Variants in ADAP1 observed in about 807,000 individuals in gnomAD.
ADAP1 encodes arf-GAP with dual PH domain-containing protein 1.
ADAP1 carries 31 observed loss-of-function variants against 54.9 expected under a neutral mutation model. The ratio of observed to expected loss-of-function variants is 0.56; its 90% CI spans 0.42 to 0.76. The LOEUF (loss-of-function observed/expected upper bound fraction) is 0.76. Ranked by LOEUF, ADAP1 falls within the 30% of genes least tolerant of loss-of-function variation. ADAP1 has a pLI of 0.00. For missense variants in ADAP1, 535 were observed against 512.4 expected, an observed-to-expected ratio of 1.04 and a Z score of -0.42; for synonymous variants, 313 against 202.6, an observed-to-expected ratio of 1.55 and a Z score of -4.63.
Position 954,484 on chromosome 7 carries a change from G to T in ADAP1, c.-7C>A. The T allele has an allele frequency of 3.9e-6, 4 of 1,024,944 alleles. No homozygotes were observed. The highest frequency in any genetic ancestry group is 4.7e-6 in the Non-Finnish European group (4 of 857,548). The allele number at this position is 1,024,944 out of a possible 1,614,324, so 63.5% of individuals were successfully genotyped here. A position where few individuals can be genotyped will look rare whatever the true frequency, so the allele number is the denominator to read the frequency against. The stretch of plus-strand genomic sequence containing the variant: ...TGCGCCGCTCCTTGGCCATGGCCGC[G>T]ATGCGCCCGCGATGCCGATGCCGGG... On this transcript the variant is annotated 5_prime_UTR_variant, in exon 1 of 11. Coordinates refer to ENST00000265846, the MANE Select transcript of ADAP1 (RefSeq NM_006869.4).
At chr7:923,245 C>A (rs1226920299) in intron 3 of ADAP1, 1 of 152,034 alleles carries the variant, frequency 6.6e-6, no homozygotes, top group African/African-American at 2.4e-5. Context: ...CCCTGTCCAG[C>A]CCGGACACCT....
At chr7:951,053 C>T (rs1230680553) in intron 1 of ADAP1, among the ~76,000 whole-genome samples, 2 of 151,132 alleles carry the variant, frequency 1.3e-5, no homozygotes, top group African/African-American at 4.9e-5. Context: ...ACTGTGCACT[C>T]GAAACGATGA....
At chr7:951,372 CAAA>C (rs1221252727) in intron 1 of ADAP1, among the ~76,000 whole-genome samples, 2 of 126,514 alleles carry the variant, frequency 1.6e-5, no homozygotes. Context: ...GACTCCGTCT[CAAA>C]AAAAAAAAAA....
chr7:907,528 G>T (rs75874612), intron 4 of ADAP1, among the ~76,000 whole-genome samples: 2 of 152,108 alleles, frequency 1.3e-5, no homozygotes, highest in East Asian at 3.9e-4. Context: ...ACTGAGCTGC[G>T]GTCAGTGACC....
chr7:900,621 G>GGACAAAGGCA lies in ADAP1; in HGVS notation c.649-6_649-5insTGCCTTTGTC, dbSNP rs1562905836. ...ATTGAACCAGTCCACAATCTCCTAG[G>GGACAAAGGCA]GGCAAAGGTGGGCACAGGCTTGGGC... On this transcript the variant is annotated splice_polypyrimidine_tract_variant and splice_region_variant and intron_variant, in intron 6 of 10. Transcript: ENST00000265846. 2 of 1,587,254 alleles carry GGACAAAGGCA rather than the reference G, an allele frequency of 1.3e-6. No homozygotes were observed. Among genetic ancestry groups the GGACAAAGGCA allele is most frequent in the Admixed American group, 1.7e-5 (1 of 57,630 alleles).
At chr7:900,250 C>T in intron 7 of ADAP1, 86 bp from the exon 8 acceptor site, 2 of 1,511,028 alleles carry the variant, frequency 1.3e-6, no homozygotes, top group Non-Finnish European at 1.8e-6. Context: ...GTGCTCCCCT[C>T]ACCCCGGGCC....
At chr7:934,660 C>T (rs1175209168) in intron 2 of ADAP1, among the ~76,000 whole-genome samples, 1 of 152,194 alleles carries the variant, frequency 6.6e-6, no homozygotes, top group Non-Finnish European at 1.5e-5. Flanking sequence ...GTTCCTTCTC[C>T]ACCTCCCTCG....
intron 5 of ADAP1, 133 bp from the exon 6 acceptor site, chr7:904,405 T>G: frequency 8.3e-7 from 1 of 1,199,096 alleles, no homozygotes; most frequent in Non-Finnish European, 1.1e-6. Flanking sequence ...ACTTAAGCGC[T>G]CTGAGCCTTG....
At chr7:922,889 T>C (rs1448185941) in intron 3 of ADAP1, 5 of 113,536 alleles carry the variant, frequency 4.4e-5, no homozygotes, top group African/African-American at 1.7e-4. Flanking sequence ...ATCCTGGGTG[T>C]TTCCGAGGCT....
Position 904,284 on chromosome 7 carries a change from T to TGG in ADAP1, c.502-14_502-13dup. 1 of 1,578,420 alleles carries TGG rather than the reference T, an allele frequency of 6.3e-7. No homozygotes were observed. Among genetic ancestry groups the TGG allele is most frequent in the Non-Finnish European group, 8.6e-7 (1 of 1,161,566 alleles). On this transcript the variant is annotated splice_polypyrimidine_tract_variant and intron_variant, in intron 5 of 10. Coordinates refer to ENST00000265846, the MANE Select transcript of ADAP1 (RefSeq NM_006869.4). ...TTGGGCTCCTTGGCCTGAGAAGGGG[T>TGG]GGGGTCTAAGCACCTCACAGGGGCC...
chr7:915,227 A>ACCCCTG (rs879895930), intron 4 of ADAP1, among the ~76,000 whole-genome samples: 1 of 36,620 alleles, frequency 2.7e-5, no homozygotes, highest in South Asian at 7.0e-4. Context: ...CCCTGCACTC[A>ACCCCTG]CACCTGCACA....
intron 4 of ADAP1, 119 bp from the exon 5 acceptor site, chr7:905,291 A>G (rs1239270269): frequency 2.6e-5 from 8 of 311,328 alleles, no homozygotes; most frequent in South Asian, 2.6e-5. Context: ...CGGACGGGGG[A>G]CACGGACAGG....
intron 1 of ADAP1, among the ~76,000 whole-genome samples, chr7:948,433 G>A (rs1423963081): frequency 1.3e-5 from 2 of 152,110 alleles, no homozygotes; most frequent in Non-Finnish European, 2.9e-5. Context: ...TCCTCCATGA[G>A]GAAAACAGTC....
chr7:918,235 AAGAC>A (rs1430328940), intron 4 of ADAP1, among the ~76,000 whole-genome samples: 1 of 151,696 alleles, frequency 6.6e-6, no homozygotes, highest in African/African-American at 2.4e-5. Flanking sequence ...TTTTGTTTCT[AAGAC>A]AGAGTCTTGC....
chr7:949,291 G>A (rs773152481), intron 1 of ADAP1, among the ~76,000 whole-genome samples: 1 of 152,110 alleles, frequency 6.6e-6, no homozygotes, highest in African/African-American at 2.4e-5. Context: ...ACACGGCCAC[G>A]TGCCGCCTCA....
intron 4 of ADAP1, among the ~76,000 whole-genome samples, chr7:911,779 G>T (rs1459857378): frequency 7.2e-6 from 1 of 139,268 alleles, no homozygotes; most frequent in South Asian, 2.5e-4. Flanking sequence ...CAGGAAGGGG[G>T]CGGGGGTCCC....
At chr7:903,323 C>A (rs1326463194) in intron 6 of ADAP1, among the ~76,000 whole-genome samples, 1 of 152,250 alleles carries the variant, frequency 6.6e-6, no homozygotes, top group Non-Finnish European at 1.5e-5. Context: ...ATGGAAAGAG[C>A]TGGAACCTCT....
Position 935,084 on chromosome 7 carries a change from T to C in ADAP1, c.213+291A>G, listed in dbSNP as rs1337599040. The C allele has an allele frequency of 1.1e-5, 6 of 553,332 alleles. 1 individual carries two copies. Among genetic ancestry groups the C allele is most frequent in the South Asian group, 6.1e-5 (4 of 65,280 alleles). The allele number at this position is 553,332 out of a possible 1,614,324, so 34.3% of individuals were successfully genotyped here. A position where few individuals can be genotyped will look rare whatever the true frequency, so the allele number is the denominator to read the frequency against. ...AGGTGTGGGGATTTGAGGGGAGCAC[T>C]CCGGAGCTCCCAGGGCACGGGAATC... is the stretch of plus-strand genomic sequence containing the variant. On this transcript the variant is annotated intron_variant, in intron 2 of 10. Transcript: ENST00000265846.
intron 3 of ADAP1, among the ~76,000 whole-genome samples, chr7:921,846 G>A (rs745600261): frequency 6.6e-6 from 1 of 152,224 alleles, no homozygotes; most frequent in Non-Finnish European, 1.5e-5. Context: ...AGAGGCAGGT[G>A]CCAGGGACGG....
Sources: allele counts gnomAD v4.1 joint callset (sites outside exome capture counted in the v4.1 genomes callset), GRCh38; gene constraint gnomAD v4.1.1; transcripts MANE v1.5; gene names NCBI Gene and HGNC (gene_info 2026-07-23, HGNC 2026-07-21).